The following USP43 variants were observed in gnomAD, a reference collection of about 807,000 sequenced individuals.
The protein encoded by USP43 is ubiquitin carboxyl-terminal hydrolase 43.
In USP43, 33 loss-of-function variants were observed where a neutral mutation model predicts 90.7. The observed-to-expected ratio is 0.36, with a 90% CI of 0.28 to 0.49. USP43 has a LOEUF of 0.49. USP43 is among the 20% of genes least tolerant of loss of function. The pLI is 0.98. For missense variants in USP43, 1,274 were observed against 1,476.4 expected (o/e 0.86, Z 2.25); for synonymous variants, 598 against 615.8 (o/e 0.97, Z 0.43).
At chr17:9,661,595 C>G (rs567332931) in intron 2 of USP43, among the ~76,000 whole-genome samples, 18 of 152,244 alleles carry the variant, frequency 1.2e-4, no homozygotes, top group African/African-American at 4.3e-4. Context: ...TGGATTCAAG[C>G]AATCCTCCCA....
chr17:9,724,874 T>C (rs1917175858), intron 14 of USP43, among the ~76,000 whole-genome samples: 2 of 151,930 alleles, frequency 1.3e-5, no homozygotes. Flanking sequence ...TGAAGCACGA[T>C]GGAAGCCCTT....
At chr17:9,652,024 A>C (rs1306005118) in intron 1 of USP43, among the ~76,000 whole-genome samples, 1 of 152,150 alleles carries the variant, frequency 6.6e-6, no homozygotes. Context: ...AAATGTTAAA[A>C]ATTATCAATG....
Position 9,666,757 on chromosome 17 carries a change from A to T in USP43, c.740+6A>T. 6.2e-7 allele frequency: 1 copy of T among 1,607,008 alleles called. No homozygotes were observed. Among genetic ancestry groups the T allele is most frequent in the Non-Finnish European group, 8.5e-7 (1 of 1,175,570 alleles). ...CACTTTCAAGCACAATATAGGTAAG[A>T]TGGGGATGTGTTTAGAATGTATCAC... On this transcript the variant is annotated splice_donor_region_variant and intron_variant, in intron 3 of 14. Transcript: ENST00000285199.
chr17:9,667,328 C>T (rs79502089), intron 3 of USP43, among the ~76,000 whole-genome samples: 2,830 of 151,952 alleles, frequency 0.019, 71 homozygotes, highest in African/African-American at 0.055. Flanking sequence ...TCGAGGCTGG[C>T]GTACAGTGAG....
At chr17:9,683,894 A>G (rs1005498114) in intron 7 of USP43, among the ~76,000 whole-genome samples, 3 of 152,270 alleles carry the variant, frequency 2.0e-5, no homozygotes, top group South Asian at 4.1e-4. Flanking sequence ...GAAATAACTT[A>G]AAGATGGCCG....
intron 8 of USP43, among the ~76,000 whole-genome samples, chr17:9,690,465 G>T (rs1207205670): frequency 6.6e-6 from 1 of 152,086 alleles, no homozygotes. Flanking sequence ...ACTCATAAGT[G>T]TATATTAATT....
chr17:9,728,570 C>T lies in USP43; in HGVS notation c.2952C>T (p.Gly984=). ...FSGNSKDSRR[G]TSELDRPLQG... The stretch of plus-strand genomic sequence containing the variant: ...GAAACAGCAAAGACAGTCGCCGAGG[C>T]ACCTCTGAGCTAGACAGACCCCTGC... Residue 984 remains glycine (G), a synonymous_variant, in exon 15 of 15, where the codon GGC becomes GGT. Coordinates refer to ENST00000285199, the MANE Select transcript of USP43 (RefSeq NM_153210.5). This position sits in a 1 kb window ranked among gnomAD's most constrained non-coding sequence, Gnocchi z 6.2. 6.2e-7 allele frequency: 1 copy of T among 1,614,022 alleles called. No homozygotes were observed.
At chr17:9,704,597 G>T (rs1487008040) in intron 12 of USP43, among the ~76,000 whole-genome samples, 1 of 152,154 alleles carries the variant, frequency 6.6e-6, no homozygotes, top group Non-Finnish European at 1.5e-5. Context: ...GATTACAGGC[G>T]TGAGCCACTG....
chr17:9,697,383 G>T (rs1915334943), intron 9 of USP43, among the ~76,000 whole-genome samples: 1 of 150,878 alleles, frequency 6.6e-6, no homozygotes, highest in African/African-American at 2.4e-5. Context: ...GTTTTTACAT[G>T]GATATATCAT....
intron 9 of USP43, among the ~76,000 whole-genome samples, chr17:9,694,937 T>C (rs1054997759): frequency 2.0e-5 from 3 of 152,164 alleles, no homozygotes; most frequent in Admixed American, 1.3e-4. Context: ...TATTTCTTTT[T>C]ATAAAAGTGT....
In USP43 at chr17:9,712,079, C is replaced by T; in HGVS notation, c.2282C>T (p.Pro761Leu). 6.2e-7 allele frequency: 1 copy of T among 1,611,068 alleles called. No homozygotes were observed. Among genetic ancestry groups the T allele is most frequent in the Non-Finnish European group, 8.5e-7 (1 of 1,178,280 alleles). ...AGCTCTGCCCCCTGCCCCTCCCTGC[C>T]CCAGGTTCCTGACTCTCCCATCTTC... The part of the protein sequence containing the change: ...SWSSAPCPSL[P>L]QVPDSPIFTN... The change falls in exon 14 of 15, where the codon CCC becomes CTC. Residue 761 changes from proline (P) to leucine (L), a missense_variant. By Grantham distance (98) the Pro-to-Leu change is moderately conservative. Around this residue, in one of 6 missense-constraint regions of USP43, gnomAD observed 285 missense variants for 349.6 expected, o/e 0.82. Transcript: ENST00000285199.
chr17:9,671,327 C>T (rs1913422468), intron 3 of USP43, among the ~76,000 whole-genome samples: 1 of 152,028 alleles, frequency 6.6e-6, no homozygotes, highest in Non-Finnish European at 1.5e-5. Flanking sequence ...CCTTCATAGC[C>T]TTTATCCACA....
chr17:9,650,627 G>C (rs1911789617), intron 1 of USP43, among the ~76,000 whole-genome samples: 3 of 151,958 alleles, frequency 2.0e-5, no homozygotes, highest in Non-Finnish European at 4.4e-5. Flanking sequence ...GGTCTCAAAC[G>C]CCTGACCCCA....
chr17:9,703,462 C>T (rs755078605), intron 12 of USP43, among the ~76,000 whole-genome samples: 24 of 152,260 alleles, frequency 1.6e-4, no homozygotes, highest in Non-Finnish European at 2.6e-4. Flanking sequence ...GCAGAATGCC[C>T]GATTTTGGGG....
intron 14 of USP43, among the ~76,000 whole-genome samples, chr17:9,712,934 G>A (rs1291457731): frequency 6.6e-6 from 1 of 152,036 alleles, no homozygotes; most frequent in African/African-American, 2.4e-5. Flanking sequence ...TACAAACTAG[G>A]GTATTTAGAA....
chr17:9,711,973 A>G lies in USP43; in HGVS notation c.2176A>G (p.Thr726Ala). ...WSASSSMRGSTSSSLSDHWLL... is the reference protein window; with the variant it reads ...WSASSSMRGSASSSLSDHWLL... ...TCTCTGTGTTTCCTCCACAGGCTCT[A>G]CCAGCTCCTCCCTGTCTGATCACTG... Residue 726 changes from threonine (T) to alanine (A), a missense_variant, in exon 14 of 15, where the codon ACC (threonine) becomes GCC (alanine). By Grantham distance (58) the Thr-to-Ala change is moderately conservative. Coordinates refer to ENST00000285199, the MANE Select transcript of USP43 (RefSeq NM_153210.5). 1 of 1,604,516 alleles carries G rather than the reference A, an allele frequency of 6.2e-7. No individual in the cohort carries two copies. The highest frequency in any genetic ancestry group is 8.5e-7 in the Non-Finnish European group (1 of 1,175,258).
intron 2 of USP43, among the ~76,000 whole-genome samples, chr17:9,665,375 G>A (rs1387203604): frequency 6.6e-6 from 1 of 152,154 alleles, no homozygotes; most frequent in Non-Finnish European, 1.5e-5. Context: ...CATGACTGGG[G>A]AGGCCTCAGG....
intron 2 of USP43, 30 bp downstream of exon 2, chr17:9,656,564 C>G (rs1483154451): frequency 1.3e-6 from 2 of 1,570,906 alleles, no homozygotes; most frequent in Admixed American, 4.0e-5. Context: ...ACACAATGTA[C>G]TGGGTTTTCT....
intron 3 of USP43, among the ~76,000 whole-genome samples, chr17:9,670,169 G>C (rs936372010): frequency 1.3e-5 from 2 of 151,844 alleles, no homozygotes; most frequent in Non-Finnish European, 2.9e-5. Context: ...CTCCCAAGTA[G>C]CTGGGACTAC....
Sources: gnomAD v4.1 joint callset for allele counts (sites outside exome capture counted in the v4.1 genomes callset) on GRCh38, gnomAD v4.1.1 for gene constraint, gnomAD v4.1.1 regional missense constraint, Gnocchi (gnomAD v3.1) non-coding constraint, MANE v1.5 for transcripts, NCBI Gene and HGNC (gene_info 2026-07-23, HGNC 2026-07-21) for gene names.